GCNT4: variants seen among roughly 807,000 people sequenced by gnomAD.
GCNT4 encodes the protein beta-1,3-galactosyl-O-glycosyl-glycoprotein beta-1,6-N-acetylglucosaminyltransferase 4.
In GCNT4, 17 loss-of-function variants were observed where a neutral mutation model predicts 31.3. The observed-to-expected ratio is 0.54, with a 90% confidence interval of 0.37 to 0.81. The LOEUF (loss-of-function observed/expected upper bound fraction) is 0.81. GCNT4 is among the 40% of genes least tolerant of loss of function. GCNT4 has a pLI of 0.00. For synonymous variants in GCNT4, 158 were observed against 190.6 expected, an observed-to-expected ratio of 0.83 and a Z score of 1.41; for missense variants, 503 against 525.5, an observed-to-expected ratio of 0.96 and a Z score of 0.42.
At chr5:75,037,362 A>C (rs1214360829) in intron 3 of GCNT4, among the ~76,000 whole-genome samples, 1 of 152,216 alleles carries the variant, frequency 6.6e-6, no homozygotes, top group Non-Finnish European at 1.5e-5. Context: ...TCTTGCCTAG[A>C]TGACCTTACA....
intron 3 of GCNT4, among the ~76,000 whole-genome samples, chr5:75,036,305 C>G (rs1302211271): frequency 6.6e-6 from 1 of 152,148 alleles, no homozygotes; most frequent in Non-Finnish European, 1.5e-5. Flanking sequence ...GTAATTCAAT[C>G]CCCTCAAGAG....
intron 3 of GCNT4, among the ~76,000 whole-genome samples, chr5:75,035,113 C>T (rs957206447): frequency 7.1e-6 from 1 of 141,462 alleles, no homozygotes; most frequent in African/African-American, 2.6e-5. Context: ...CAGGGACACC[C>T]CAGCTAAGCG....
chr5:75,018,176 C>T, the GCNT4 span, among the ~76,000 whole-genome samples: 9 of 152,328 alleles, frequency 5.9e-5, no homozygotes, highest in Non-Finnish European at 1.3e-4. Flanking sequence ...GGAACTGCTA[C>T]GTGAGCCAGG....
chr5:75,052,909 C>G (rs1743613724), upstream of GCNT4: 1 of 152,278 alleles, frequency 6.6e-6, no homozygotes, highest in Non-Finnish European at 1.5e-5. Context: ...GCGCTGGGCT[C>G]TGAAGGGCCA....
At chr5:75,047,750 C>A (rs1047678415) in intron 3 of GCNT4, 147 bp downstream of exon 3, 1 of 151,750 alleles carries the variant, frequency 6.6e-6, no homozygotes, top group African/African-American at 2.4e-5. Context: ...TTGGTTAAAT[C>A]TAGACTTTAG....
intron 3 of GCNT4, among the ~76,000 whole-genome samples, chr5:75,036,222 C>G (rs1743194942): frequency 6.6e-6 from 1 of 151,840 alleles, no homozygotes. Flanking sequence ...AAGGGCCATA[C>G]TGTAGTTATT....
intron 3 of GCNT4, among the ~76,000 whole-genome samples, chr5:75,034,656 G>C (rs555002396): frequency 1.3e-5 from 2 of 152,238 alleles, no homozygotes; most frequent in Non-Finnish European, 2.9e-5. Context: ...GGTCTGACCT[G>C]TTGTGGAGTT....
At chr5:75,030,162 G>C (rs1202265953) in intron 3 of GCNT4, 124 bp from the exon 4 acceptor site, 2 of 843,640 alleles carry the variant, frequency 2.4e-6, no homozygotes, top group Non-Finnish European at 3.7e-6. Flanking sequence ...AATGAAACAA[G>C]GTTTTTACCC....
intron 3 of GCNT4, among the ~76,000 whole-genome samples, chr5:75,036,513 C>A (rs761611192): frequency 2.0e-5 from 3 of 152,214 alleles, no homozygotes; most frequent in Non-Finnish European, 4.4e-5. Flanking sequence ...AGAAAAAATT[C>A]TCCATATTTC....
chr5:75,042,114 C>T (rs73765655), intron 3 of GCNT4, among the ~76,000 whole-genome samples: 2,127 of 152,250 alleles, frequency 0.014, 48 homozygotes, highest in African/African-American at 0.048. Context: ...ACATCTTTGC[C>T]TCTCAAGCTT....
chr5:75,039,813 T>C (rs544314069), intron 3 of GCNT4, among the ~76,000 whole-genome samples: 212 of 152,316 alleles, frequency 1.4e-3, no homozygotes, highest in Non-Finnish European at 2.3e-3. Context: ...CTCTGTACTG[T>C]AGCCAAAATG....
downstream of GCNT4, among the ~76,000 whole-genome samples, chr5:75,024,099 CCA>C (rs1216601643): frequency 7.9e-5 from 12 of 152,176 alleles, no homozygotes; most frequent in African/African-American, 2.9e-4. Context: ...TTCTCTCTTG[CCA>C]CAGTTTCCTC....
At position 75,029,024 on chromosome 5, in the gene GCNT4, A is replaced by G; in HGVS notation, c.1014T>C (p.Phe338=). 2 of 1,614,142 alleles carry G rather than the reference A, an allele frequency of 1.2e-6. No homozygotes were observed. Among genetic ancestry groups the G allele is most frequent in the South Asian group, 1.1e-5 (1 of 91,070 alleles). The change falls in exon 4 of 4, where the codon TTT becomes TTC. Residue 338 remains phenylalanine (F), a synonymous_variant. Coordinates refer to ENST00000652361, the MANE Select transcript of GCNT4 (RefSeq NM_001366737.1). ...CTGGAACCCGAATCAAGGTAGCCCA[A>G]AAGTGCTCATCAGGAGAGTATGTGT... ...SKDTYSPDEH[F]WATLIRVPGI... is the part of the protein sequence containing the mutation.
rs1189183741 is a variant in GCNT4, at chr5:75,026,388, T to A, written c.*2288A>T. On this transcript the variant is annotated 3_prime_UTR_variant, in exon 4 of 4. Transcript: ENST00000652361. ...CTCAATGTGTCACTGTACCAACCTG[T>A]AACCCTATTGGCTTAGAAAGAAACC... 1 of 152,196 alleles carries A rather than the reference T, an allele frequency of 6.6e-6. No homozygotes were observed. The highest frequency in any genetic ancestry group is 2.4e-5 in the African/African-American group (1 of 41,444). The allele number at this position is 152,196 out of a possible 1,614,324, so 9.4% of individuals were successfully genotyped here.
chr5:75,024,909 C>G (rs1742923850), downstream of GCNT4, among the ~76,000 whole-genome samples: 1 of 146,210 alleles, frequency 6.8e-6, no homozygotes, highest in Non-Finnish European at 1.5e-5. Context: ...CGAGATCGCA[C>G]CACTGCACTC....
upstream of GCNT4, among the ~76,000 whole-genome samples, chr5:75,053,705 A>G (rs867848864): frequency 2.0e-4 from 31 of 151,998 alleles, no homozygotes; most frequent in Middle Eastern, 6.8e-3. Flanking sequence ...GGCCCCCGTG[A>G]CGTGCGGAGA....
At chr5:75,038,982 C>T (rs1446859462) in intron 3 of GCNT4, among the ~76,000 whole-genome samples, 1 of 152,198 alleles carries the variant, frequency 6.6e-6, no homozygotes, top group African/African-American at 2.4e-5. Context: ...TCAACAAAAG[C>T]CTTCATGTTG....
At chr5:75,033,880 CCT>C (rs984382782) in intron 3 of GCNT4, among the ~76,000 whole-genome samples, 10 of 151,988 alleles carry the variant, frequency 6.6e-5, no homozygotes, top group African/African-American at 1.9e-4. Context: ...TGTTCCCCTC[CCT>C]GTGTCCATGT....
Position 75,047,047 on chromosome 5 carries a change from C to T in GCNT4, c.-2+850G>A, listed in dbSNP as rs183148844. On this transcript the variant is annotated intron_variant, in intron 3 of 3. Coordinates refer to ENST00000652361, the MANE Select transcript of GCNT4 (RefSeq NM_001366737.1). ...CTTCTCCCAGTTAACTACCCTAGCC[C>T]AGGCCTCTTTTTGCCTTGCTACATT... Among the ~76,000 whole-genome samples, 3 of 152,334 alleles carry T rather than the reference C, an allele frequency of 2.0e-5. No individual in the cohort carries two copies. In the East Asian group the frequency reaches 5.8e-4, roughly 29 times the overall value.
Sources: gnomAD v4.1 joint callset for allele counts (sites outside exome capture counted in the v4.1 genomes callset) on GRCh38, gnomAD v4.1.1 for gene constraint, MANE v1.5 for transcripts, NCBI Gene and HGNC (gene_info 2026-07-23, HGNC 2026-07-21) for gene names.